KCNIP4: variants seen among roughly 807,000 people sequenced by gnomAD.
The protein encoded by KCNIP4 is Kv channel-interacting protein 4.
KCNIP4 carries 12 observed loss-of-function variants against 34.0 expected under a neutral mutation model. That is an observed-to-expected ratio of 0.35 (90% CI 0.23 to 0.57). The LOEUF (loss-of-function observed/expected upper bound fraction) is 0.57. KCNIP4 is among the 20% of genes least tolerant of loss of function. The pLI is 0.83. For synonymous variants in KCNIP4, 124 were observed against 102.2 expected (o/e 1.21, Z -1.29); for missense variants, 238 against 311.7 (o/e 0.76, Z 1.78).
chr4:20,795,687 T>C (rs1243954903), intron 3 of KCNIP4, among the ~76,000 whole-genome samples: 2 of 152,102 alleles, frequency 1.3e-5, no homozygotes, highest in Non-Finnish European at 2.9e-5. Flanking sequence ...ATCTTTAAAA[T>C]AGCCTGCTCT....
intron 1 of KCNIP4, among the ~76,000 whole-genome samples, chr4:21,322,159 A>AGGAAGGAC (rs1714567364): frequency 6.8e-6 from 1 of 147,482 alleles, no homozygotes; most frequent in African/African-American, 2.5e-5. Context: ...GACAGAAGGA[A>AGGAAGGAC]GGAAGGAAGG....
At chr4:21,774,067 C>T (rs1321838012) in intron 1 of KCNIP4, among the ~76,000 whole-genome samples, 1 of 151,946 alleles carries the variant, frequency 6.6e-6, no homozygotes, top group Non-Finnish European at 1.5e-5. Context: ...TTTGCGGTGA[C>T]TGGTACTGGT....
chr4:21,180,895 G>A (rs974937272), intron 1 of KCNIP4, among the ~76,000 whole-genome samples: 1 of 151,802 alleles, frequency 6.6e-6, no homozygotes, highest in Non-Finnish European at 1.5e-5. Context: ...CTAATCTCCT[G>A]GTTATGAAAA....
chr4:20,913,641 C>T (rs1728542450), intron 1 of KCNIP4, among the ~76,000 whole-genome samples: 1 of 152,192 alleles, frequency 6.6e-6, no homozygotes, highest in Non-Finnish European at 1.5e-5. Flanking sequence ...TCTCCAATTA[C>T]ACTACTGCAG....
chr4:21,869,710 C>A (rs1725648416), intron 1 of KCNIP4, among the ~76,000 whole-genome samples: 1 of 150,620 alleles, frequency 6.6e-6, no homozygotes, highest in African/African-American at 2.5e-5. Context: ...CCCCCCACCG[C>A]CACATAGAGA....
At chr4:20,981,003 C>G (rs759631365) in intron 1 of KCNIP4, among the ~76,000 whole-genome samples, 2 of 152,024 alleles carry the variant, frequency 1.3e-5, no homozygotes, top group African/African-American at 2.4e-5. Flanking sequence ...CTTTTTTTCT[C>G]AAACCTTTAC....
intron 4 of KCNIP4, among the ~76,000 whole-genome samples, chr4:20,753,952 A>T (rs1037178540): frequency 6.6e-6 from 1 of 151,548 alleles, no homozygotes; most frequent in African/African-American, 2.4e-5. Flanking sequence ...ACTGTTTATT[A>T]TATGCCTAGT....
chr4:21,526,240 G>T (rs1041498501), intron 1 of KCNIP4, among the ~76,000 whole-genome samples: 2 of 152,102 alleles, frequency 1.3e-5, no homozygotes, highest in Admixed American at 6.6e-5. Flanking sequence ...TTCCAGGGCT[G>T]ATCTTGTGAT....
intron 1 of KCNIP4, among the ~76,000 whole-genome samples, chr4:21,451,041 G>T (rs1388726613): frequency 6.6e-6 from 1 of 152,084 alleles, no homozygotes; most frequent in African/African-American, 2.4e-5. Flanking sequence ...ACATAATAGT[G>T]AATGTGCAAT....
At chr4:21,622,511 C>G (rs996283697) in intron 1 of KCNIP4, among the ~76,000 whole-genome samples, 10 of 152,164 alleles carry the variant, frequency 6.6e-5, no homozygotes, top group Non-Finnish European at 1.2e-4. Context: ...TGTTTGCAAG[C>G]ATTATGCCTT....
At chr4:21,260,183 CT>C (rs33997927) in intron 1 of KCNIP4, among the ~76,000 whole-genome samples, 34,527 of 151,976 alleles carry the variant, frequency 0.23, 4,560 homozygotes, top group South Asian at 0.31. Flanking sequence ...GAGTCTCTGG[CT>C]TTAAGCGGCT....
At chr4:21,542,954 C>T (rs1390967402) in intron 1 of KCNIP4, among the ~76,000 whole-genome samples, 1 of 151,730 alleles carries the variant, frequency 6.6e-6, no homozygotes, top group Non-Finnish European at 1.5e-5. Context: ...GTAAACTGTT[C>T]AATGAATACT....
intron 3 of KCNIP4, among the ~76,000 whole-genome samples, chr4:20,821,596 A>G (rs1330897614): frequency 6.6e-6 from 1 of 152,050 alleles, no homozygotes; most frequent in Non-Finnish European, 1.5e-5. Context: ...AGCAGTGTAC[A>G]CTGTACTCAA....
chr4:21,253,933 GA>G (rs199889566), intron 1 of KCNIP4, among the ~76,000 whole-genome samples: 4 of 152,140 alleles, frequency 2.6e-5, no homozygotes, highest in East Asian at 1.9e-4. Context: ...CACTAAGTGG[GA>G]AAAAAAGACA....
chr4:21,753,232 GA>G (rs1560687783), intron 1 of KCNIP4, among the ~76,000 whole-genome samples: 1 of 152,018 alleles, frequency 6.6e-6, no homozygotes, highest in Admixed American at 6.6e-5. Flanking sequence ...TGAGGTCTTA[GA>G]GAAAAAAAAT....
intron 1 of KCNIP4, among the ~76,000 whole-genome samples, chr4:21,929,590 A>G (rs1427710900): frequency 2.6e-5 from 4 of 152,084 alleles, no homozygotes; most frequent in Non-Finnish European, 4.4e-5. Flanking sequence ...AACATGCCCA[A>G]ACTTTTCCTG....
intron 1 of KCNIP4, among the ~76,000 whole-genome samples, chr4:21,562,701 C>A (rs1404543717): frequency 6.6e-6 from 1 of 152,048 alleles, no homozygotes; most frequent in East Asian, 1.9e-4. Flanking sequence ...AGGCCAACAA[C>A]AAAAGCAAAC....
chr4:21,695,615 TAC>T (rs1712225520), intron 1 of KCNIP4, among the ~76,000 whole-genome samples: 1 of 152,182 alleles, frequency 6.6e-6, no homozygotes, highest in Admixed American at 6.5e-5. Context: ...ACTTATGGTT[TAC>T]AGTTTCCCAA....
chr4:21,520,467 C>A (rs140464143), intron 1 of KCNIP4, among the ~76,000 whole-genome samples: 1 of 152,112 alleles, frequency 6.6e-6, no homozygotes, highest in East Asian at 1.9e-4. Flanking sequence ...GGGATTTGAA[C>A]CCAGGTGACC....
Sources: gnomAD v4.1 joint callset for allele counts (sites outside exome capture counted in the v4.1 genomes callset) on GRCh38, gnomAD v4.1.1 for gene constraint, MANE v1.5 for transcripts, NCBI Gene and HGNC (gene_info 2026-07-23, HGNC 2026-07-21) for gene names.